The following NEXMIF variants were observed in gnomAD, a reference collection of about 807,000 sequenced individuals.
NEXMIF encodes the protein neurite extension and migration factor, also known as XLMR protein related to neurite extension.
A neutral mutation model predicts 62.1 loss-of-function variants in NEXMIF; 8 were observed. The observed-to-expected ratio is 0.13, with a 90% CI of 0.08 to 0.23. NEXMIF has a LOEUF of 0.23. Ranked by LOEUF, NEXMIF falls within the 10% of genes least tolerant of loss-of-function variation. NEXMIF has a pLI of 1.00. For missense variants in NEXMIF, 976 were observed against 1,113.3 expected (o/e 0.88, Z 1.75); for synonymous variants, 404 against 416.6 (o/e 0.97, Z 0.37).
chrX:74,861,374 G>A (rs1188534721), intron 1 of NEXMIF, among the ~76,000 whole-genome samples: 12 of 111,834 alleles, frequency 1.1e-4, no homozygotes, highest in Non-Finnish European at 2.1e-4. Context: ...ACTAATTGGG[G>A]TACCTGAAAG....
intron 1 of NEXMIF, among the ~76,000 whole-genome samples, chrX:74,797,237 C>T (rs971600168): frequency 8.9e-6 from 1 of 111,884 alleles, no homozygotes; most frequent in Non-Finnish European, 1.9e-5. Context: ...TGATTAAATG[C>T]AATGTATTAT....
chrX:74,812,109 G>T (rs1447475901), intron 1 of NEXMIF, among the ~76,000 whole-genome samples: 2 of 112,799 alleles, frequency 1.8e-5, no homozygotes, highest in Non-Finnish European at 3.7e-5. Flanking sequence ...GGCAGAATTG[G>T]ACTCTGAGAA....
chrX:74,883,800 A>C (rs1408846158), intron 1 of NEXMIF, among the ~76,000 whole-genome samples: 4 of 111,623 alleles, frequency 3.6e-5, no homozygotes, highest in African/African-American at 1.3e-4. Context: ...AGAGAACGCC[A>C]CAAAGATACT....
chrX:74,740,781 G>T lies in NEXMIF; in HGVS notation c.3776C>A (p.Ala1259Asp), dbSNP rs773987900. The change falls in exon 3 of 4, where the codon GCT becomes GAT. Residue 1259 changes from alanine to aspartate, a missense_variant. Around this residue, in one of 5 missense-constraint regions of NEXMIF, gnomAD observed 639 missense variants for 694.5 expected, o/e 0.92. Coordinates refer to ENST00000055682, the MANE Select transcript of NEXMIF (RefSeq NM_001008537.3). ...NTISSTGKTLAECIQHGGPMA... is the reference protein window; with the variant it reads ...NTISSTGKTLDECIQHGGPMA... ...AGGGCCACCATGTTGGATACATTCA[G>T]CCAATGTCTTCCCAGTGGAGGATAT... 6.6e-6 allele frequency: 8 copies of T among 1,211,712 alleles called. No individual in the cohort carries two copies. The South Asian group carries it at 1.2e-4, about 19-fold the overall frequency.
chrX:74,779,310 C>T (rs1374738778), intron 1 of NEXMIF, among the ~76,000 whole-genome samples: 1 of 111,798 alleles, frequency 8.9e-6, no homozygotes, highest in African/African-American at 3.2e-5. Flanking sequence ...CAATCATCCT[C>T]TTCCATGACT....
chrX:74,876,799 G>T (rs1328058513), intron 1 of NEXMIF, among the ~76,000 whole-genome samples: 1 of 103,368 alleles, frequency 9.7e-6, no homozygotes, highest in African/African-American at 3.5e-5. Context: ...TTTTATCAGA[G>T]ACTAGGATTG....
chrX:74,764,963 C>T (rs1211429897), intron 1 of NEXMIF, among the ~76,000 whole-genome samples: 6 of 111,299 alleles, frequency 5.4e-5, no homozygotes, highest in African/African-American at 1.3e-4. Context: ...GTTGAGTTCA[C>T]GTCCTAAATA....
At chrX:74,875,212 G>T (rs2080625332) in intron 1 of NEXMIF, among the ~76,000 whole-genome samples, 1 of 110,641 alleles carries the variant, frequency 9.0e-6, no homozygotes, top group Non-Finnish European at 1.9e-5. Context: ...AAGGGTTGTT[G>T]AATTTTGTCA....
At chrX:74,898,186 T>G (rs1449599613) in intron 1 of NEXMIF, among the ~76,000 whole-genome samples, 1 of 111,972 alleles carries the variant, frequency 8.9e-6, no homozygotes, top group African/African-American at 3.2e-5. Flanking sequence ...AAACACTACC[T>G]TAGCCAGATA....
chrX:74,743,272 G>C lies in NEXMIF; in HGVS notation c.1285C>G (p.Leu429Val), dbSNP rs757388979. The C allele has an allele frequency of 3.3e-6, 4 of 1,211,711 alleles. No individual in the cohort carries two copies. In the South Asian group the frequency reaches 5.3e-5, roughly 16 times the overall value. ...CCTGATGTCTCCAGGGAATTAGCAA[G>C]ATGGCCCTGCTTTGGATTCTTAAGT... ...EQLKNPKQGH[L>V]ANSLETSGSF... The change falls in exon 3 of 4, where the codon CTT becomes GTT. Residue 429 changes from leucine (L) to valine (V), a missense_variant. Transcript: ENST00000055682.
chrX:74,759,661 T>A (rs944959454), intron 1 of NEXMIF, among the ~76,000 whole-genome samples: 2 of 112,181 alleles, frequency 1.8e-5, no homozygotes, highest in African/African-American at 6.5e-5. Context: ...TACCCATTGC[T>A]TGTTTTTGTC....
At chrX:74,873,403 G>A (rs961308272) in intron 1 of NEXMIF, among the ~76,000 whole-genome samples, 2 of 111,898 alleles carry the variant, frequency 1.8e-5, no homozygotes, top group African/African-American at 6.5e-5. Context: ...TTGGATGTTT[G>A]GGTTGGTTCC....
chrX:74,875,591 C>G (rs2080627826), intron 1 of NEXMIF, among the ~76,000 whole-genome samples: 4 of 111,771 alleles, frequency 3.6e-5, no homozygotes, highest in Admixed American at 2.9e-4. Flanking sequence ...CCTTGTACCT[C>G]TGGTAGAGTT....
chrX:74,798,839 G>C (rs2080320308), intron 1 of NEXMIF, among the ~76,000 whole-genome samples: 1 of 109,516 alleles, frequency 9.1e-6, no homozygotes, highest in African/African-American at 3.3e-5. Flanking sequence ...AGAAATCAGA[G>C]AGAAAGATAC....
intron 1 of NEXMIF, among the ~76,000 whole-genome samples, chrX:74,833,142 A>G (rs767113372): frequency 9.5e-6 from 1 of 104,876 alleles, no homozygotes; most frequent in Non-Finnish European, 2.0e-5. Context: ...TTCTATAGAG[A>G]AGATTAAGTT....
rs1217189210 is a variant in NEXMIF at position 74,742,112 on chromosome X, C to T, written c.2445G>A (p.Leu815=). The change falls in exon 3 of 4, where the codon CTG becomes CTA. Residue 815 remains leucine, a synonymous_variant. Transcript: ENST00000055682. ...AGTCAGAAGCATCTAACAATGTCTG[C>T]AGATACCCTCCCGGGATAACAGGTA... is the stretch of plus-strand genomic sequence containing the variant. ...TNIPVIPGGY[L]QTLLDASDLS... 2.5e-6 allele frequency: 3 copies of T among 1,209,258 alleles called. No individual in the cohort carries two copies. The South Asian group carries it at 5.3e-5, about 21-fold the overall frequency.
chrX:74,793,666 T>C (rs1482376911), intron 1 of NEXMIF, among the ~76,000 whole-genome samples: 3 of 107,108 alleles, frequency 2.8e-5, no homozygotes, highest in Non-Finnish European at 5.8e-5. Context: ...TTGGAGGCTT[T>C]GCTTATTTCT....
rs765263502 is a variant in NEXMIF, at chrX:74,852,051, T to C, written c.-48+72832A>G. The stretch of plus-strand genomic sequence containing the variant: ...TGGATTTAAAAAAAAATGACCTATG[T>C]ATAGAATCCCTATAAGAACTCATTT... On this transcript the variant is annotated intron_variant, in intron 1 of 3. Coordinates refer to ENST00000055682, the MANE Select transcript of NEXMIF (RefSeq NM_001008537.3). 1.2e-4 allele frequency among the ~76,000 whole-genome samples: 13 copies of C among 110,936 alleles called. No homozygotes were observed. The East Asian group carries it at 3.7e-3, about 31-fold the overall frequency.
At chrX:74,924,736 C>A (rs1178176416) in intron 1 of NEXMIF, 147 bp downstream of exon 1, 1 of 113,957 alleles carries the variant, frequency 8.8e-6, no homozygotes, top group Non-Finnish European at 1.9e-5. Flanking sequence ...CACACATTCG[C>A]ATACAGACGT....
Sources: allele counts gnomAD v4.1 joint callset (sites outside exome capture counted in the v4.1 genomes callset), GRCh38; gene constraint gnomAD v4.1.1; regional missense constraint gnomAD v4.1.1; transcripts MANE v1.5; gene names NCBI Gene and HGNC (gene_info 2026-07-23, HGNC 2026-07-21).